The following FOXJ3 variants were observed in gnomAD, a reference collection of about 807,000 sequenced individuals.
The protein encoded by FOXJ3 is forkhead box J3, also known as forkhead box protein J3.
Under a neutral mutation model 76.1 loss-of-function variants are expected in FOXJ3, and 22 were observed. The observed-to-expected ratio is 0.29, with a 90% CI of 0.21 to 0.41. FOXJ3 has a LOEUF of 0.41. Among genes scored for constraint, FOXJ3 ranks in the 10% least tolerant of loss-of-function variants. The pLI, the probability that FOXJ3 is intolerant of heterozygous loss-of-function variation, is 1.00. For synonymous variants in FOXJ3, 269 were observed against 261.2 expected (o/e 1.03, Z -0.29); for missense variants, 613 against 762.1 (o/e 0.80, Z 2.30).
intron 5 of FOXJ3, among the ~76,000 whole-genome samples, chr1:42,212,974 A>AC (rs1291630350): frequency 2.0e-5 from 3 of 150,658 alleles, no homozygotes; most frequent in Non-Finnish European, 4.4e-5. Flanking sequence ...AAAAAAAACA[A>AC]AAAAAAAACT....
At chr1:42,271,391 T>A (rs1319103161) in intron 3 of FOXJ3, among the ~76,000 whole-genome samples, 2 of 152,116 alleles carry the variant, frequency 1.3e-5, no homozygotes, top group Non-Finnish European at 2.9e-5. Context: ...CTTATTTCCT[T>A]CTACATCCTT....
chr1:42,298,226 G>C (rs1653910334), intron 2 of FOXJ3, among the ~76,000 whole-genome samples: 1 of 152,180 alleles, frequency 6.6e-6, no homozygotes, highest in Admixed American at 6.5e-5. Flanking sequence ...CCAGCCCTGT[G>C]GAACTGTGAG....
chr1:42,324,115 G>GTATATATACACTGTGTATATACAGTA (rs749025654), intron 1 of FOXJ3, among the ~76,000 whole-genome samples: 1 of 52,358 alleles, frequency 1.9e-5, no homozygotes, highest in Non-Finnish European at 3.3e-5. Flanking sequence ...TATATACACT[G>GTATATATACACTGTGTATATACAGTA]TATATACACA....
intron 4 of FOXJ3, among the ~76,000 whole-genome samples, chr1:42,259,922 T>G (rs1195811612): frequency 6.6e-6 from 1 of 152,210 alleles, no homozygotes; most frequent in Non-Finnish European, 1.5e-5. Flanking sequence ...ATTCAAGTGC[T>G]TCAGAAGTGA....
chr1:42,278,514 T>G lies in FOXJ3; in HGVS notation c.203A>C (p.Gln68Pro), dbSNP rs755081746. Reference protein sequence around the residue: ...ALLDPNTTLDQEEVQQHKDGK... With the variant: ...ALLDPNTTLDPEEVQQHKDGK... ...ATCTTTGTGCTGTTGGACTTCTTCC[T>G]GGTCCAGAGTTGTATTTGGGTCAAG... The change falls in exon 3 of 13, where the codon CAG becomes CCG. Residue 68 changes from glutamine to proline, a missense_variant. This residue lies in a region of FOXJ3 where 77 missense variants were observed against 115.1 expected (regional missense o/e 0.67). Coordinates refer to ENST00000361346, the MANE Select transcript of FOXJ3 (RefSeq NM_014947.5). 3.1e-6 allele frequency: 5 copies of G among 1,614,200 alleles called. No individual in the cohort carries two copies. The South Asian group carries it at 5.5e-5, about 18-fold the overall frequency.
chr1:42,188,183 A>C (rs1048196853), intron 11 of FOXJ3, among the ~76,000 whole-genome samples: 3 of 152,182 alleles, frequency 2.0e-5, no homozygotes, highest in African/African-American at 7.2e-5. Flanking sequence ...CCTACAGAAA[A>C]ATGTGCAATC....
intron 5 of FOXJ3, among the ~76,000 whole-genome samples, chr1:42,215,689 T>G (rs138797137): frequency 5.3e-5 from 8 of 151,940 alleles, no homozygotes; most frequent in Admixed American, 4.6e-4. Flanking sequence ...AAAATAAAGA[T>G]AGAAAAAAGC....
At chr1:42,317,514 T>TA (rs11365048) in intron 1 of FOXJ3, among the ~76,000 whole-genome samples, 1,969 of 106,370 alleles carry the variant, frequency 0.019, 21 homozygotes, top group Non-Finnish European at 0.025. Context: ...AGAGAAACCA[T>TA]AAAAAAAAAA....
At position 42,188,758 on chromosome 1, in the gene FOXJ3, GT is replaced by G; in HGVS notation, c.1623del (p.Lys541AsnfsTer13). 1 of 1,604,392 alleles carries G rather than the reference GT, an allele frequency of 6.2e-7. No homozygotes were observed. The highest frequency in any genetic ancestry group is 8.5e-7 in the Non-Finnish European group (1 of 1,174,576). ...NVCHGAMHPT[K>X]PSQHIGTGNL... ...ATACCTGTTCCAATGTGTTGGGAAG[GT>G]TTTGTTGGATGCATGGCACCATGAC... is the stretch of plus-strand genomic sequence containing the variant. On this transcript the variant is annotated frameshift_variant, in exon 11 of 13. Transcript: ENST00000361346. LOFTEE classifies it high-confidence loss of function.
intron 2 of FOXJ3, among the ~76,000 whole-genome samples, chr1:42,305,112 T>C (rs1022853718): frequency 6.8e-6 from 1 of 147,196 alleles, no homozygotes; most frequent in Non-Finnish European, 1.5e-5. Context: ...TCAAAAGACA[T>C]ACAAATGGCA....
chr1:42,263,702 G>A (rs1469003420), intron 4 of FOXJ3, among the ~76,000 whole-genome samples: 3 of 151,522 alleles, frequency 2.0e-5, no homozygotes, highest in African/African-American at 4.8e-5. Flanking sequence ...AGATAGAAAC[G>A]AATAACTCTT....
At chr1:42,298,257 T>C (rs545048864) in intron 2 of FOXJ3, among the ~76,000 whole-genome samples, 2 of 152,350 alleles carry the variant, frequency 1.3e-5, no homozygotes, top group Admixed American at 6.5e-5. Flanking sequence ...CTCTTTCCTT[T>C]ATAAATTACC....
At chr1:42,325,394 C>A (rs1488077327) in intron 1 of FOXJ3, among the ~76,000 whole-genome samples, 1 of 152,154 alleles carries the variant, frequency 6.6e-6, no homozygotes, top group Non-Finnish European at 1.5e-5. Flanking sequence ...AAGAAGAAAA[C>A]AGAAGAAATC....
At chr1:42,209,627 G>C (rs1022751302) in intron 5 of FOXJ3, among the ~76,000 whole-genome samples, 4 of 152,264 alleles carry the variant, frequency 2.6e-5, no homozygotes, top group Admixed American at 2.0e-4. Flanking sequence ...CAGGCCACGG[G>C]GGAATGCCTT....
intron 4 of FOXJ3, among the ~76,000 whole-genome samples, chr1:42,247,596 T>C (rs953148773): frequency 3.3e-5 from 5 of 152,336 alleles, no homozygotes; most frequent in African/African-American, 1.2e-4. Flanking sequence ...TATCATTTTA[T>C]ACCCGCAAGG....
intron 6 of FOXJ3, among the ~76,000 whole-genome samples, chr1:42,205,001 A>G (rs1299902504): frequency 2.0e-5 from 3 of 152,136 alleles, no homozygotes; most frequent in Non-Finnish European, 2.9e-5. Context: ...AGAGAAAAAA[A>G]GAGGGTGAAA....
chr1:42,319,614 T>C (rs1379176795), intron 1 of FOXJ3, among the ~76,000 whole-genome samples: 1 of 152,172 alleles, frequency 6.6e-6, no homozygotes, highest in Non-Finnish European at 1.5e-5. Context: ...CCTGTGAATA[T>C]ACTAAAAAAC....
intron 2 of FOXJ3, among the ~76,000 whole-genome samples, chr1:42,298,834 T>C (rs568209745): frequency 6.6e-6 from 1 of 152,218 alleles, no homozygotes; most frequent in Non-Finnish European, 1.5e-5. Context: ...GGTTTTAGTA[T>C]GCTGTGTCTC....
In FOXJ3 at chr1:42,278,573, T is replaced by A; in HGVS notation, c.144A>T (p.Ala48=). The A allele has an allele frequency of 6.2e-7, 1 of 1,614,184 alleles. No homozygotes were observed. The highest frequency in any genetic ancestry group is 8.5e-7 in the Non-Finnish European group (1 of 1,180,010). The change falls in exon 3 of 13, where the codon GCA becomes GCT. Residue 48 remains alanine, a synonymous_variant. Transcript: ENST00000361346. ...AIQKSDATQN[A]HGTGISKKNA... is the part of the protein sequence containing the mutation. ...TCTTCTTAGAAATTCCTGTTCCATGTGCATTTTGTGTAGCATCAGATTTTT... is the reference window on the plus strand; with the variant it reads ...TCTTCTTAGAAATTCCTGTTCCATGAGCATTTTGTGTAGCATCAGATTTTT...
Sources: allele counts gnomAD v4.1 joint callset (sites outside exome capture counted in the v4.1 genomes callset), GRCh38; gene constraint gnomAD v4.1.1; regional missense constraint gnomAD v4.1.1; transcripts MANE v1.5; gene names NCBI Gene and HGNC (gene_info 2026-07-23, HGNC 2026-07-21).